Variants in JAK2 observed in about 807,000 individuals in gnomAD.
JAK2 encodes tyrosine-protein kinase JAK2.
JAK2 carries 86 observed loss-of-function variants against 139.3 expected under a neutral mutation model. The observed-to-expected ratio is 0.62, with a 90% confidence interval of 0.52 to 0.74. JAK2 has a LOEUF of 0.74. Among genes scored for constraint, JAK2 ranks in the 30% least tolerant of loss-of-function variants. The pLI is 0.00. For synonymous variants in JAK2, 490 were observed against 437.7 expected (o/e 1.12, Z -1.49); for missense variants, 1,421 against 1,360.3 (o/e 1.04, Z -0.70).
chr9:5,034,498 C>A (rs1823422500), intron 4 of JAK2, among the ~76,000 whole-genome samples: 1 of 151,998 alleles, frequency 6.6e-6, no homozygotes, highest in East Asian at 1.9e-4. Context: ...GTAAAGCACT[C>A]CTCAGCAAGT....
rs1244676061 is a variant in JAK2 at position 5,128,312 on chromosome 9, A to G, written c.*1521A>G. On this transcript the variant is annotated 3_prime_UTR_variant, in exon 25 of 25. Coordinates refer to ENST00000381652, the MANE Select transcript of JAK2 (RefSeq NM_004972.4). ...ACTTAAAGCATTTTTAAAGCATTTT[A>G]ATAGTTCTGGATGCAGAAATCATCT... The G allele has an allele frequency of 4.5e-6, 1 of 223,066 alleles. No homozygotes were observed. Among genetic ancestry groups the G allele is most frequent in the Non-Finnish European group, 9.0e-6 (1 of 111,504 alleles). The allele number at this position is 223,066 out of a possible 1,614,324, so 13.8% of individuals were successfully genotyped here.
chr9:5,001,082 T>C (rs1316729042), intron 2 of JAK2, among the ~76,000 whole-genome samples: 1 of 152,254 alleles, frequency 6.6e-6, no homozygotes, highest in Non-Finnish European at 1.5e-5. Context: ...AATTCATTTA[T>C]AAGTTCTAGT....
In JAK2 at chr9:5,034,607, TG is replaced by T. The variant is rs1159814595; in HGVS notation, c.350+4703del. Among the ~76,000 whole-genome samples the T allele has an allele frequency of 1.1e-4, 17 of 151,892 alleles. No individual in the cohort carries two copies. The East Asian group carries it at 3.1e-3, about 28-fold the overall frequency. Reference sequence around the variant, plus strand: ...ACTCACTCAAAACCACTCAACTACATGGAAACTGAACAACCTGCTCCTGAAT... The same window carrying T: ...ACTCACTCAAAACCACTCAACTACATGAAACTGAACAACCTGCTCCTGAAT... On this transcript the variant is annotated intron_variant, in intron 4 of 24. Coordinates refer to ENST00000381652, the MANE Select transcript of JAK2 (RefSeq NM_004972.4).
intron 2 of JAK2, among the ~76,000 whole-genome samples, chr9:4,996,451 A>T (rs545337761): frequency 1.1e-4 from 16 of 152,222 alleles, no homozygotes; most frequent in Non-Finnish European, 2.1e-4. Context: ...TCTGTCTCAA[A>T]AAATAAATAA....
At chr9:5,109,151 AATC>A (rs1162016917) in intron 22 of JAK2, 2 of 152,162 alleles carry the variant, frequency 1.3e-5, no homozygotes, top group East Asian at 3.9e-4. Flanking sequence ...TACATGTACC[AATC>A]ACAACACAAT....
chr9:5,111,222 G>A (rs111546555), intron 22 of JAK2: 2 of 581,386 alleles, frequency 3.4e-6, no homozygotes, highest in Non-Finnish European at 6.3e-6. Context: ...AGAGCAGCTA[G>A]CGCGGGCCTA....
chr9:5,062,377 A>C (rs565659690), intron 8 of JAK2, among the ~76,000 whole-genome samples: 2 of 152,088 alleles, frequency 1.3e-5, no homozygotes, highest in African/African-American at 4.8e-5. Flanking sequence ...AATAGTAATA[A>C]AGTTTAAATT....
At chr9:5,038,522 A>C (rs1239362844) in intron 4 of JAK2, among the ~76,000 whole-genome samples, 2 of 152,164 alleles carry the variant, frequency 1.3e-5, no homozygotes, top group Non-Finnish European at 2.9e-5. Flanking sequence ...AAATACTTGC[A>C]AACCGAATCC....
chr9:5,050,960 C>G (rs1008333922), intron 6 of JAK2, 129 bp downstream of exon 6: 4 of 794,566 alleles, frequency 5.0e-6, no homozygotes, highest in Non-Finnish European at 8.0e-6. Flanking sequence ...ATCTAAAATG[C>G]TTGGAATCAG....
intron 2 of JAK2, among the ~76,000 whole-genome samples, chr9:5,012,783 G>T (rs576405535): frequency 6.6e-6 from 1 of 152,278 alleles, no homozygotes; most frequent in African/African-American, 2.4e-5. Context: ...CACATAGCAA[G>T]AGTTGTATGA....
In JAK2 at chr9:5,069,022, C is replaced by T. The variant is rs1563973123; in HGVS notation, c.1327C>T (p.Arg443Ter). Residue 443 changes from arginine to a stop codon, truncating the protein, a stop_gained and splice_region_variant, in exon 11 of 25, where the codon CGA becomes TGA. Coordinates refer to ENST00000381652, the MANE Select transcript of JAK2 (RefSeq NM_004972.4). LOFTEE classifies it high-confidence loss of function. ...NKYFLTFAVERENVIEYKHCL... is the reference protein window; with the variant it reads ...NKYFLTFAVE Reference sequence around the variant, plus strand: ...TTTCTTTATAATTAAACTTATACAGCGAGAAAATGTCATTGAATATAAACA... The same window carrying T: ...TTTCTTTATAATTAAACTTATACAGTGAGAAAATGTCATTGAATATAAACA... 2 of 1,552,612 alleles carry T rather than the reference C, an allele frequency of 1.3e-6. No homozygotes were observed. The highest frequency in any genetic ancestry group is 3.7e-5 in the Admixed American group (2 of 54,088).
intron 2 of JAK2, among the ~76,000 whole-genome samples, chr9:5,006,355 T>G (rs1821300801): frequency 6.6e-6 from 1 of 152,214 alleles, no homozygotes; most frequent in African/African-American, 2.4e-5. Flanking sequence ...GCTGAGACTT[T>G]GCTGAAGTTG....
chr9:5,075,726 C>G (rs1020571911), intron 14 of JAK2, among the ~76,000 whole-genome samples: 2 of 152,188 alleles, frequency 1.3e-5, no homozygotes, highest in Non-Finnish European at 2.9e-5. Flanking sequence ...GGTGACACAA[C>G]ATCCATTCTG....
chr9:5,040,544 G>A (rs1816407226), intron 4 of JAK2, among the ~76,000 whole-genome samples: 1 of 152,234 alleles, frequency 6.6e-6, no homozygotes, highest in African/African-American at 2.4e-5. Context: ...CAAAATGGAA[G>A]CAAATGTTTG....
Position 5,055,735 on chromosome 9 carries a change from G to A in JAK2, c.1003G>A (p.Gly335Ser). 1 of 1,609,470 alleles carries A rather than the reference G, an allele frequency of 6.2e-7. No homozygotes were observed. Among genetic ancestry groups the A allele is most frequent in the Non-Finnish European group, 8.5e-7 (1 of 1,176,550 alleles). The change falls in exon 8 of 25, where the codon GGT becomes AGT. Residue 335 changes from glycine to serine, a missense_variant. Transcript: ENST00000381652. ...DVSIKQANQE[G>S]SNESRVVTIH... is the part of the protein sequence containing the mutation. ...CAGTATTAAGCAAGCAAACCAAGAG[G>A]GTTCAAATGAAAGCCGAGTTGTAAC...
intron 2 of JAK2, among the ~76,000 whole-genome samples, chr9:5,018,827 A>G (rs1445067226): frequency 6.6e-6 from 1 of 152,128 alleles, no homozygotes; most frequent in African/African-American, 2.4e-5. Context: ...CACTTTTCAT[A>G]TATCGTTCCA....
At chr9:4,987,362 T>G (rs1820005881) in intron 2 of JAK2, among the ~76,000 whole-genome samples, 1 of 152,168 alleles carries the variant, frequency 6.6e-6, no homozygotes. Flanking sequence ...GGTGGGATGC[T>G]TTTGAGGCAG....
rs751176768 is a variant in JAK2 at position 5,062,139 on chromosome 9, T to G, written c.1057-2744T>G. On this transcript the variant is annotated intron_variant, in intron 8 of 24. Transcript: ENST00000381652. ...GGGTCCACTTATATGCAATTTTTTT[T>G]CAGCCAAACATGGATGGAAAATATA... 7.9e-5 allele frequency among the ~76,000 whole-genome samples: 12 copies of G among 152,238 alleles called. No homozygotes were observed. The South Asian group carries it at 8.3e-4, about 11-fold the overall frequency.
chr9:5,043,358 A>C (rs761112643), intron 4 of JAK2, among the ~76,000 whole-genome samples: 3 of 152,212 alleles, frequency 2.0e-5, no homozygotes, highest in Non-Finnish European at 4.4e-5. Context: ...AAGATGCCCA[A>C]CATCATTGGT....
Sources: gnomAD v4.1 joint callset for allele counts (sites outside exome capture counted in the v4.1 genomes callset) on GRCh38, gnomAD v4.1.1 for gene constraint, MANE v1.5 for transcripts, NCBI Gene and HGNC (gene_info 2026-07-23, HGNC 2026-07-21) for gene names.